Variants in CNTNAP5 observed in about 807,000 individuals in gnomAD.
The protein encoded by CNTNAP5 is contactin-associated protein-like 5.
In CNTNAP5, 72 loss-of-function variants were observed where a neutral mutation model predicts 150.2. The ratio of observed to expected loss-of-function variants is 0.48; its 90% CI spans 0.40 to 0.58. CNTNAP5 has a LOEUF of 0.58. Ranked by LOEUF, CNTNAP5 falls within the 20% of genes least tolerant of loss-of-function variation. CNTNAP5 has a pLI of 0.00. For synonymous variants in CNTNAP5, 672 were observed against 619.8 expected (o/e 1.08, Z -1.25); for missense variants, 1,636 against 1,626.2 (o/e 1.01, Z -0.10).
intron 21 of CNTNAP5, among the ~76,000 whole-genome samples, chr2:124,883,511 G>A (rs1251272209): frequency 6.6e-6 from 1 of 152,032 alleles, no homozygotes; most frequent in Non-Finnish European, 1.5e-5. Flanking sequence ...GAGACACCAA[G>A]CTAAGCTTTC....
At chr2:124,872,374 CTGTGTGTGTGTGTGTGTGTG>C (rs56024878) in intron 21 of CNTNAP5, among the ~76,000 whole-genome samples, 3 of 139,336 alleles carry the variant, frequency 2.2e-5, no homozygotes, top group African/African-American at 8.0e-5. Context: ...TTTCCTTATG[CTGTGTGTGTGTGTGTGTGTG>C]TGTGTGTGTG....
chr2:124,389,445 C>T (rs1691054327), intron 3 of CNTNAP5, among the ~76,000 whole-genome samples: 2 of 152,140 alleles, frequency 1.3e-5, no homozygotes, highest in Admixed American at 1.3e-4. Context: ...GGTTTTGTCC[C>T]TTGCCTTCTA....
chr2:124,903,911 G>A (rs951058939), intron 22 of CNTNAP5, among the ~76,000 whole-genome samples: 4 of 151,890 alleles, frequency 2.6e-5, no homozygotes, highest in African/African-American at 9.7e-5. Flanking sequence ...AAAATTAGCT[G>A]GCCGTGGTGG....
At chr2:124,129,215 A>G (rs1306141608) in intron 1 of CNTNAP5, among the ~76,000 whole-genome samples, 1 of 152,178 alleles carries the variant, frequency 6.6e-6, no homozygotes, top group Non-Finnish European at 1.5e-5. Flanking sequence ...ATTCATAATA[A>G]AAAGAGATAA....
chr2:124,748,788 C>A (rs1049947824), intron 14 of CNTNAP5, among the ~76,000 whole-genome samples: 2 of 152,148 alleles, frequency 1.3e-5, no homozygotes, highest in African/African-American at 4.8e-5. Flanking sequence ...GGCACCAGGG[C>A]AGGTTACCCG....
chr2:124,527,281 A>G lies in CNTNAP5; in HGVS notation c.1478-4A>G. Reference sequence around the variant, plus strand: ...CTTCTTCATCTTTTTTCTCTGTCCCACAGGGTGCCCCGACAATCTCACCGA... The same window carrying G: ...CTTCTTCATCTTTTTTCTCTGTCCCGCAGGGTGCCCCGACAATCTCACCGA... On this transcript the variant is annotated splice_polypyrimidine_tract_variant and splice_region_variant and intron_variant, in intron 9 of 23. Transcript: ENST00000682447. The G allele has an allele frequency of 6.2e-7, 1 of 1,612,002 alleles. No homozygotes were observed. Among genetic ancestry groups the G allele is most frequent in the Non-Finnish European group, 8.5e-7 (1 of 1,178,932 alleles).
At chr2:124,511,878 T>G (rs1489927780) in intron 8 of CNTNAP5, among the ~76,000 whole-genome samples, 2 of 151,930 alleles carry the variant, frequency 1.3e-5, no homozygotes, top group Admixed American at 6.6e-5. Context: ...ATGCTATGAC[T>G]CTTCACAACC....
At chr2:124,720,401 G>A (rs529972566) in intron 13 of CNTNAP5, among the ~76,000 whole-genome samples, 1 of 152,190 alleles carries the variant, frequency 6.6e-6, no homozygotes, top group African/African-American at 2.4e-5. Flanking sequence ...TGAAGCTGTA[G>A]ACACGTCTGG....
chr2:124,842,817 T>C (rs951290412), intron 19 of CNTNAP5, among the ~76,000 whole-genome samples: 7 of 152,152 alleles, frequency 4.6e-5, no homozygotes, highest in Non-Finnish European at 1.0e-4. Context: ...ACCATCATAG[T>C]TGAGTGGATC....
Position 124,657,403 on chromosome 2 carries a change from T to A in CNTNAP5, c.2077+9445T>A, listed in dbSNP as rs533842166. The stretch of plus-strand genomic sequence containing the variant: ...ACCTACGATTCCTTCCTCTTCACCA[T>A]CTCCATTCCCCATTCAGTATATTCT... On this transcript the variant is annotated intron_variant, in intron 13 of 23. Coordinates refer to ENST00000682447, the MANE Select transcript of CNTNAP5 (RefSeq NM_001367498.1). Among the ~76,000 whole-genome samples, 3 of 152,138 alleles carry A rather than the reference T, an allele frequency of 2.0e-5. No individual in the cohort carries two copies. The South Asian group carries it at 6.2e-4, about 32-fold the overall frequency.
chr2:124,524,958 A>G (rs1694931343), intron 9 of CNTNAP5, among the ~76,000 whole-genome samples: 1 of 152,124 alleles, frequency 6.6e-6, no homozygotes, highest in South Asian at 2.1e-4. Flanking sequence ...AAATCCAGGA[A>G]TGAGGAGGAA....
In CNTNAP5 at chr2:124,146,986, A is replaced by G. The variant is rs140065716; in HGVS notation, c.83-74719A>G. Among the ~76,000 whole-genome samples, 27 of 152,318 alleles carry G rather than the reference A, an allele frequency of 1.8e-4. No homozygotes were observed. The East Asian group carries it at 5.2e-3, about 29-fold the overall frequency. ...GGCTGGGGTTGGGGGGAGACAAAAC[A>G]GAAAATAAACAATAAACATACAAAG... On this transcript the variant is annotated intron_variant, in intron 1 of 23. Coordinates refer to ENST00000682447, the MANE Select transcript of CNTNAP5 (RefSeq NM_001367498.1).
intron 19 of CNTNAP5, among the ~76,000 whole-genome samples, chr2:124,850,615 T>G (rs1030450877): frequency 6.6e-6 from 1 of 152,112 alleles, no homozygotes; most frequent in Admixed American, 6.5e-5. Context: ...AAACAGATGG[T>G]AAATGGAACC....
In CNTNAP5 at chr2:124,726,421, G is replaced by T. The variant is rs147136605; in HGVS notation, c.2078-20808G>T. On this transcript the variant is annotated intron_variant, in intron 13 of 23. Coordinates refer to ENST00000682447, the MANE Select transcript of CNTNAP5 (RefSeq NM_001367498.1). ...TCCCCCCTTTTGTTTTCTCTCCCCT[G>T]TCACCATGTAAGATGTGCCTTGCTT... 4.9e-3 allele frequency among the ~76,000 whole-genome samples: 748 copies of T among 152,042 alleles called. 4 individuals carry two copies. Among genetic ancestry groups the T allele is most frequent in the Non-Finnish European group, 7.7e-3 (525 of 67,936 alleles).
chr2:124,685,487 A>C (rs2105073400), intron 13 of CNTNAP5, among the ~76,000 whole-genome samples: 1 of 152,280 alleles, frequency 6.6e-6, no homozygotes, highest in African/African-American at 2.4e-5. Context: ...TCTTCATTGA[A>C]AGAAAAATAG....
intron 19 of CNTNAP5, among the ~76,000 whole-genome samples, chr2:124,865,091 ACT>A (rs1285008985): frequency 8.3e-4 from 120 of 145,266 alleles, no homozygotes; most frequent in Non-Finnish European, 9.3e-4. Context: ...ACACACACAC[ACT>A]CTCTCTCTCT....
Position 124,404,644 on chromosome 2 carries a change from C to A in CNTNAP5, c.382-12799C>A, listed in dbSNP as rs548624012. Among the ~76,000 whole-genome samples, 15 of 152,334 alleles carry A rather than the reference C, an allele frequency of 9.8e-5. No homozygotes were observed. The South Asian group carries it at 3.1e-3, about 32-fold the overall frequency. On this transcript the variant is annotated intron_variant, in intron 3 of 23. Transcript: ENST00000682447. Reference sequence around the variant, plus strand: ...TGCTGACTGATACTCTTTTCTTTCACTTCTGGCATATTCTTCTGTGTGTCA... The same window carrying A: ...TGCTGACTGATACTCTTTTCTTTCAATTCTGGCATATTCTTCTGTGTGTCA...
In CNTNAP5 at chr2:124,571,222, T is replaced by C. The variant is rs192110354; in HGVS notation, c.1756+7899T>C. On this transcript the variant is annotated intron_variant, in intron 11 of 23. Coordinates refer to ENST00000682447, the MANE Select transcript of CNTNAP5 (RefSeq NM_001367498.1). ...CTGGAAAGTTTCCCACTGTGCAGAATTAGCTGGAAAACTCTGGAGGGAGGT... is the reference window on the plus strand; with the variant it reads ...CTGGAAAGTTTCCCACTGTGCAGAACTAGCTGGAAAACTCTGGAGGGAGGT... Among the ~76,000 whole-genome samples the C allele has an allele frequency of 2.2e-4, 34 of 152,296 alleles. 1 individual carries two copies. The highest frequency in any genetic ancestry group is 2.2e-3 in the Admixed American group (34 of 15,294).
At chr2:124,668,781 T>G (rs950650024) in intron 13 of CNTNAP5, among the ~76,000 whole-genome samples, 1 of 152,202 alleles carries the variant, frequency 6.6e-6, no homozygotes, top group Non-Finnish European at 1.5e-5. Context: ...GTCAATTAAC[T>G]TAAAGAGATT....
Sources: allele counts gnomAD v4.1 joint callset (sites outside exome capture counted in the v4.1 genomes callset), GRCh38; gene constraint gnomAD v4.1.1; transcripts MANE v1.5; gene names NCBI Gene and HGNC (gene_info 2026-07-23, HGNC 2026-07-21).